KIF26B: variants seen among roughly 807,000 people sequenced by gnomAD.
KIF26B encodes kinesin family member 26B.
A neutral mutation model predicts 151.2 loss-of-function variants in KIF26B; 63 were observed. The observed-to-expected ratio is 0.42, with a 90% CI of 0.34 to 0.51. The LOEUF is 0.51. Ranked by LOEUF, KIF26B falls within the 20% of genes least tolerant of loss-of-function variation. KIF26B has a pLI of 0.07. For synonymous variants in KIF26B, 1,357 were observed against 1,262.1 expected (o/e 1.08, Z -1.59); for missense variants, 2,813 against 2,913.6 (o/e 0.97, Z 0.79).
intron 12 of KIF26B, among the ~76,000 whole-genome samples, chr1:245,690,916 G>T (rs950711485): frequency 6.6e-6 from 1 of 152,324 alleles, no homozygotes; most frequent in African/African-American, 2.4e-5. Flanking sequence ...GCATTGAAAC[G>T]TATTGATGAG....
chr1:245,567,894 C>T (rs1458776449), intron 5 of KIF26B, among the ~76,000 whole-genome samples: 1 of 152,040 alleles, frequency 6.6e-6, no homozygotes, highest in East Asian at 1.9e-4. Context: ...ATGAAAAGTT[C>T]TTAAAGGGGC....
Position 245,540,937 on chromosome 1 carries a change from C to G in KIF26B, c.1337C>G (p.Pro446Arg). ...GCTGTCAACAAGGTGAAGGACACCC[C>G]GGGGCTGGGCAAGGTAGGACCATCC... ...LRAVNKVKDT[P>R]GLGKVKVMLR... Residue 446 changes from proline (P) to arginine (R), a missense_variant, in exon 5 of 15, where the codon CCG becomes CGG. This residue lies in a region of KIF26B where 676 missense variants were observed against 688.1 expected (regional missense o/e 0.98). Transcript: ENST00000407071. The surrounding 1 kb of genome is among the most constrained non-coding windows in gnomAD (Gnocchi z 4.6). The G allele has an allele frequency of 6.2e-7, 1 of 1,613,046 alleles. No individual in the cohort carries two copies. Among genetic ancestry groups the G allele is most frequent in the Non-Finnish European group, 8.5e-7 (1 of 1,179,230 alleles).
intron 2 of KIF26B, among the ~76,000 whole-genome samples, chr1:245,229,347 A>G (rs180733922): frequency 6.6e-6 from 1 of 152,244 alleles, no homozygotes; most frequent in East Asian, 1.9e-4. Context: ...GGGGTTGCAA[A>G]TTTTGCTTCC....
intron 2 of KIF26B, chr1:245,354,010 C>G (rs1042741869): frequency 6.6e-6 from 1 of 152,426 alleles, no homozygotes; most frequent in Non-Finnish European, 1.5e-5. Flanking sequence ...GTTGTTATTT[C>G]TGATGTTTAT....
At chr1:245,273,843 G>A (rs1670893638) in intron 2 of KIF26B, among the ~76,000 whole-genome samples, 1 of 152,098 alleles carries the variant, frequency 6.6e-6, no homozygotes, top group African/African-American at 2.4e-5. Flanking sequence ...CTGATTGAGG[G>A]ATTTAATTCA....
At chr1:245,283,302 G>A (rs1413565051) in intron 2 of KIF26B, among the ~76,000 whole-genome samples, 5 of 150,826 alleles carry the variant, frequency 3.3e-5, no homozygotes, top group East Asian at 1.9e-4. Flanking sequence ...AGCCCAATCC[G>A]CGCAAGCCCA....
At chr1:245,340,898 G>A (rs901140985) in intron 2 of KIF26B, among the ~76,000 whole-genome samples, 13 of 152,172 alleles carry the variant, frequency 8.5e-5, no homozygotes, top group African/African-American at 1.7e-4. Flanking sequence ...AATGCACTGC[G>A]GTCATCCAGG....
chr1:245,555,869 T>G (rs960938405), intron 5 of KIF26B, among the ~76,000 whole-genome samples: 2 of 152,202 alleles, frequency 1.3e-5, no homozygotes, highest in Admixed American at 1.3e-4. Context: ...TGTGGACCAC[T>G]GATTTCACAA....
chr1:245,231,714 A>G (rs1558354799), intron 2 of KIF26B, among the ~76,000 whole-genome samples: 2 of 152,090 alleles, frequency 1.3e-5, no homozygotes, highest in Admixed American at 6.6e-5. Flanking sequence ...GGAGGAAGAA[A>G]ACAAACCTCT....
Position 245,702,150 on chromosome 1 carries a change from C to G in KIF26B, c.6179-308C>G, listed in dbSNP as rs1038988717. 6.6e-6 allele frequency among the ~76,000 whole-genome samples: 1 copy of G among 152,102 alleles called. No homozygotes were observed. Among genetic ancestry groups the G allele is most frequent in the Non-Finnish European group, 1.5e-5 (1 of 68,022 alleles). ...TTGATAGTGAATAGTGTGGTAGCGT[C>G]TCTCAAATCCTGGGATCCATCCTGG... On this transcript the variant is annotated intron_variant, in intron 14 of 14. Transcript: ENST00000407071. The surrounding 1 kb of genome is among the most constrained non-coding windows in gnomAD (Gnocchi z 4.1).
chr1:245,522,056 A>T (rs1046755098), intron 4 of KIF26B, among the ~76,000 whole-genome samples: 1 of 152,118 alleles, frequency 6.6e-6, no homozygotes. Context: ...TTTTTAGTAG[A>T]GACGGGGTTT....
chr1:245,594,299 T>C (rs970769566), intron 5 of KIF26B, among the ~76,000 whole-genome samples: 1 of 152,240 alleles, frequency 6.6e-6, no homozygotes, highest in Non-Finnish European at 1.5e-5. Context: ...TTTATGGTTT[T>C]AGGTCTTACA....
intron 2 of KIF26B, among the ~76,000 whole-genome samples, chr1:245,362,131 G>A (rs1327909201): frequency 6.6e-6 from 1 of 151,606 alleles, no homozygotes; most frequent in Admixed American, 6.6e-5. Flanking sequence ...TACTCTGGGT[G>A]AGAATGACCC....
chr1:245,607,860 T>C, intron 7 of KIF26B, 116 bp downstream of exon 7: 1 of 774,988 alleles, frequency 1.3e-6, no homozygotes, highest in Non-Finnish European at 2.1e-6. Context: ...TTCTCTTAGG[T>C]GTTGAGCTGA....
chr1:245,459,726 G>C (rs59698273), intron 4 of KIF26B, among the ~76,000 whole-genome samples: 1 of 152,204 alleles, frequency 6.6e-6, no homozygotes, highest in African/African-American at 2.4e-5. Flanking sequence ...TTCTCAAGCA[G>C]CAAAAACAGA....
At chr1:245,261,411 A>G (rs925198925) in intron 2 of KIF26B, among the ~76,000 whole-genome samples, 1 of 151,098 alleles carries the variant, frequency 6.6e-6, no homozygotes, top group Non-Finnish European at 1.5e-5. Context: ...GATTAGAGGC[A>G]TGAGCCACCG....
At chr1:245,557,415 G>T (rs1279270001) in intron 5 of KIF26B, among the ~76,000 whole-genome samples, 1 of 152,208 alleles carries the variant, frequency 6.6e-6, no homozygotes, top group East Asian at 1.9e-4. Context: ...ATTGCTGTGT[G>T]ACCCTACGGA....
chr1:245,584,856 G>T (rs1036537141), intron 5 of KIF26B, among the ~76,000 whole-genome samples: 2 of 152,132 alleles, frequency 1.3e-5, no homozygotes, highest in African/African-American at 4.8e-5. Flanking sequence ...TAGAACTCAA[G>T]AATTTTTTTC....
At chr1:245,549,765 G>A (rs1661832781) in intron 5 of KIF26B, among the ~76,000 whole-genome samples, 1 of 150,964 alleles carries the variant, frequency 6.6e-6, no homozygotes, top group South Asian at 2.1e-4. Flanking sequence ...ATTATGGAGG[G>A]GGAGAATAAT....
Sources: allele counts gnomAD v4.1 joint callset (sites outside exome capture counted in the v4.1 genomes callset), GRCh38; gene constraint gnomAD v4.1.1; regional missense constraint gnomAD v4.1.1; non-coding constraint Gnocchi (gnomAD v3.1); transcripts MANE v1.5; gene names NCBI Gene and HGNC (gene_info 2026-07-23, HGNC 2026-07-21).